USP53: variants seen among roughly 807,000 people sequenced by gnomAD.
The protein encoded by USP53 is ubiquitin specific peptidase 53, also known as ubiquitin carboxyl-terminal hydrolase 53.
USP53 carries 71 observed loss-of-function variants against 94.9 expected under a neutral mutation model. That is an observed-to-expected ratio of 0.75 (90% confidence interval 0.62 to 0.91). The LOEUF is 0.91. Ranked by LOEUF, USP53 falls within the 40% of genes least tolerant of loss-of-function variation. USP53 has a pLI of 0.00. For missense variants in USP53, 1,173 were observed against 1,281.0 expected (o/e 0.92, Z 1.29); for synonymous variants, 375 against 422.7 (o/e 0.89, Z 1.39).
At chr4:119,237,963 C>T (rs779543158) in intron 4 of USP53, among the ~76,000 whole-genome samples, 15 of 152,146 alleles carry the variant, frequency 9.9e-5, no homozygotes, top group Admixed American at 2.0e-4. Context: ...AATTAAAGAG[C>T]GTTAGGGCCT....
chr4:119,271,709 C>A lies in USP53; in HGVS notation c.1849C>A (p.Pro617Thr), dbSNP rs147140509. The change falls in exon 16 of 19, where the codon CCT (proline) becomes ACT (threonine). Residue 617 changes from proline (P) to threonine (T), a missense_variant. By Grantham distance (38) the Pro-to-Thr change is conservative. Coordinates refer to ENST00000692078, the MANE Select transcript of USP53 (RefSeq NM_001371395.1). ...ACATAAACCAAATATCAGTAATAAG[C>A]CTAAATCTAGCAAGGATCCGAGTTT... is the stretch of plus-strand genomic sequence containing the variant. ...PRHKPNISNK[P>T]KSSKDPSFSN... The A allele has an allele frequency of 6.2e-7, 1 of 1,613,922 alleles. No individual in the cohort carries two copies. Among genetic ancestry groups the A allele is most frequent in the Non-Finnish European group, 8.5e-7 (1 of 1,180,002 alleles).
At chr4:119,249,855 AG>A (rs1442639105) in intron 7 of USP53, among the ~76,000 whole-genome samples, 1 of 151,692 alleles carries the variant, frequency 6.6e-6, no homozygotes, top group African/African-American at 2.4e-5. Context: ...TAGTGGAGAC[AG>A]GGTTTCACTG....
chr4:119,236,924 T>C (rs889733941), intron 4 of USP53, among the ~76,000 whole-genome samples: 1 of 152,224 alleles, frequency 6.6e-6, no homozygotes, highest in Non-Finnish European at 1.5e-5. Context: ...TCAGTTTACT[T>C]TGCCCAGTTC....
chr4:119,244,332 G>T (rs1021926478), intron 5 of USP53, among the ~76,000 whole-genome samples: 2 of 152,116 alleles, frequency 1.3e-5, no homozygotes, highest in Admixed American at 1.3e-4. Flanking sequence ...CTTTAGTTGT[G>T]GAGTAGTTGA....
intron 3 of USP53, among the ~76,000 whole-genome samples, chr4:119,227,547 C>T (rs961544056): frequency 2.0e-5 from 3 of 152,098 alleles, no homozygotes; most frequent in Admixed American, 6.5e-5. Flanking sequence ...GGAGAAGTGG[C>T]GTAAACCCGG....
chr4:119,233,204 T>C (rs1265331461), intron 3 of USP53, among the ~76,000 whole-genome samples: 2 of 151,936 alleles, frequency 1.3e-5, no homozygotes, highest in Non-Finnish European at 2.9e-5. Flanking sequence ...ATCAGGCTTT[T>C]TGTAAAGATT....
Position 119,293,000 on chromosome 4 carries a change from C to T in USP53, c.3011C>T (p.Thr1004Ile), listed in dbSNP as rs770905604. The change falls in exon 19 of 19, where the codon ACT (threonine) becomes ATT (isoleucine). Residue 1004 changes from threonine to isoleucine, a missense_variant. Coordinates refer to ENST00000692078, the MANE Select transcript of USP53 (RefSeq NM_001371395.1). ...CCAAACTGTCCATCCAGCTCCTCAA[C>T]TAACGATTTTCAGGCAAACTCAGGT... is the stretch of plus-strand genomic sequence containing the variant. ...NTPNCPSSSS[T>I]NDFQANSGAI... The T allele has an allele frequency of 1.9e-6, 3 of 1,614,138 alleles. No individual in the cohort carries two copies. The South Asian group carries it at 3.3e-5, about 18-fold the overall frequency.
intron 12 of USP53, 69 bp from the exon 13 acceptor site, chr4:119,267,249 GTC>G: frequency 6.9e-7 from 1 of 1,457,642 alleles, no homozygotes; most frequent in South Asian, 1.4e-5. Flanking sequence ...GTAACTCAGA[GTC>G]TGTCTTTTCA....
Position 119,295,350 on chromosome 4 carries a change from T to C in USP53, c.*2139T>C, listed in dbSNP as rs899469551. The C allele has an allele frequency of 3.3e-5, 5 of 152,192 alleles. No individual in the cohort carries two copies. The highest frequency in any genetic ancestry group is 5.9e-5 in the Non-Finnish European group (4 of 68,034). 9.4% of individuals were successfully genotyped at this position (152,192 alleles called of 1,614,324 possible). On this transcript the variant is annotated 3_prime_UTR_variant, in exon 19 of 19. Coordinates refer to ENST00000692078, the MANE Select transcript of USP53 (RefSeq NM_001371395.1). ...AAAGTTTTACATCTAGGGTGCCTAT[T>C]TATTTTTATAGATGCTTTCATCCAG...
At chr4:119,273,566 T>TC in intron 16 of USP53, 66 bp from the exon 17 acceptor site, 2 of 1,282,826 alleles carry the variant, frequency 1.6e-6, no homozygotes, top group Non-Finnish European at 2.2e-6. Context: ...AAATGTTGTT[T>TC]TTTTTTAGAC....
At chr4:119,240,319 C>T (rs1218710875) in intron 5 of USP53, among the ~76,000 whole-genome samples, 1 of 152,088 alleles carries the variant, frequency 6.6e-6, no homozygotes, top group Admixed American at 6.6e-5. Flanking sequence ...AGTACTCAAA[C>T]TCCCTTCACC....
chr4:119,260,429 C>T (rs1321894549), intron 10 of USP53, 78 bp from the exon 11 acceptor site: 1 of 1,287,892 alleles, frequency 7.8e-7, no homozygotes, highest in Non-Finnish European at 1.0e-6. Context: ...TTAAAATTGT[C>T]ATTATATAAT....
At chr4:119,217,731 T>C (rs997362562) in intron 3 of USP53, 58 bp downstream of exon 3, 2 of 152,026 alleles carry the variant, frequency 1.3e-5, no homozygotes, top group South Asian at 4.2e-4. Flanking sequence ...TTTAAATAAG[T>C]GTAGGCCTCA....
intron 17 of USP53, among the ~76,000 whole-genome samples, chr4:119,288,461 G>A (rs979167483): frequency 2.0e-5 from 3 of 152,176 alleles, no homozygotes; most frequent in Non-Finnish European, 4.4e-5. Context: ...CCTAAAAATT[G>A]TGGATATTAT....
chr4:119,260,636 C>T lies in USP53; in HGVS notation c.805C>T (p.His269Tyr). 6.2e-7 allele frequency: 1 copy of T among 1,613,658 alleles called. No individual in the cohort carries two copies. The highest frequency in any genetic ancestry group is 8.5e-7 in the Non-Finnish European group (1 of 1,179,738). The change falls in exon 11 of 19, where the codon CAT (histidine) becomes TAT (tyrosine). Residue 269 changes from histidine to tyrosine, a missense_variant. His to Tyr is a moderately conservative substitution (Grantham distance 83). Coordinates refer to ENST00000692078, the MANE Select transcript of USP53 (RefSeq NM_001371395.1). ...TEAVVRNLAT[H>Y]LYLPGLFYRV... ...AGCTGTTGTTCGGAATCTAGCAACA[C>T]ATCTTTATCTTCCTGGGGTATCTTA... is the stretch of plus-strand genomic sequence containing the variant.
chr4:119,227,285 A>ACACG (rs1028412220), intron 3 of USP53, among the ~76,000 whole-genome samples: 1 of 151,608 alleles, frequency 6.6e-6, no homozygotes, highest in African/African-American at 2.4e-5. Context: ...ACACACACAC[A>ACACG]CACACACACA....
At chr4:119,255,891 A>T (rs1162489274) in intron 7 of USP53, among the ~76,000 whole-genome samples, 1 of 152,136 alleles carries the variant, frequency 6.6e-6, no homozygotes, top group African/African-American at 2.4e-5. Flanking sequence ...GATTTTTTTT[A>T]AAGCTATCTG....
At chr4:119,245,688 T>C (rs1033133512) in intron 6 of USP53, among the ~76,000 whole-genome samples, 3 of 152,222 alleles carry the variant, frequency 2.0e-5, no homozygotes, top group African/African-American at 7.2e-5. Flanking sequence ...CAATTATTCT[T>C]ATTCATTTTA....
intron 15 of USP53, among the ~76,000 whole-genome samples, chr4:119,270,985 A>G (rs1284924243): frequency 6.6e-6 from 1 of 152,180 alleles, no homozygotes; most frequent in African/African-American, 2.4e-5. Context: ...ATCTTTACCA[A>G]TATAAGAAGT....
Sources: gnomAD v4.1 joint callset for allele counts (sites outside exome capture counted in the v4.1 genomes callset) on GRCh38, gnomAD v4.1.1 for gene constraint, MANE v1.5 for transcripts, NCBI Gene and HGNC (gene_info 2026-07-23, HGNC 2026-07-21) for gene names.